Variants in GALNT2 observed in about 807,000 individuals in gnomAD.
GALNT2 encodes polypeptide N-acetylgalactosaminyltransferase 2, also known as UDP-GalNAc:polypeptide N-acetylgalactosaminyltransferase 2.
GALNT2 carries 31 observed loss-of-function variants against 81.4 expected under a neutral mutation model. The observed-to-expected ratio is 0.38, with a 90% CI of 0.29 to 0.51. The LOEUF (loss-of-function observed/expected upper bound fraction) is 0.51, where lower values mean the gene tolerates loss of function less well. Among genes scored for constraint, GALNT2 ranks in the 20% least tolerant of loss-of-function variants. The pLI is 0.87. For synonymous variants in GALNT2, 303 were observed against 287.4 expected, an observed-to-expected ratio of 1.05 and a Z score of -0.55; for missense variants, 629 against 765.7, an observed-to-expected ratio of 0.82 and a Z score of 2.11.
At chr1:230,112,070 G>T (rs1660720102) in intron 1 of GALNT2, among the ~76,000 whole-genome samples, 1 of 152,168 alleles carries the variant, frequency 6.6e-6, no homozygotes, top group Admixed American at 6.5e-5. Context: ...AGGCTGGCTG[G>T]CCTCAGAAGG....
chr1:230,215,167 C>T (rs1371208393), intron 3 of GALNT2, among the ~76,000 whole-genome samples: 4 of 152,208 alleles, frequency 2.6e-5, no homozygotes, highest in South Asian at 2.1e-4. Flanking sequence ...CTGTGGGATT[C>T]GACCTGGAAG....
At chr1:230,174,582 C>T (rs1450901287) in intron 1 of GALNT2, among the ~76,000 whole-genome samples, 3 of 152,084 alleles carry the variant, frequency 2.0e-5, no homozygotes, top group African/African-American at 4.8e-5. Context: ...AAACCTGGGG[C>T]CGTCTTTGAT....
chr1:230,220,842 T>G (rs1664524894), intron 3 of GALNT2, among the ~76,000 whole-genome samples: 1 of 152,174 alleles, frequency 6.6e-6, no homozygotes, highest in African/African-American at 2.4e-5. Context: ...CTTGGCCAAA[T>G]ATTAGCTAAA....
chr1:230,145,972 C>A lies in GALNT2; in HGVS notation c.127-32246C>A, dbSNP rs537395812. Among the ~76,000 whole-genome samples the A allele has an allele frequency of 1.4e-4, 22 of 152,330 alleles. No individual in the cohort carries two copies. In the South Asian group the frequency reaches 4.4e-3, roughly 30 times the overall value. On this transcript the variant is annotated intron_variant, in intron 1 of 15. Transcript: ENST00000366672. ...GAGAAGACGTTGGTCCACTCCTTGT[C>A]CAGGCTGCTTTGGGCTGTAGTGGAC...
intron 1 of GALNT2, among the ~76,000 whole-genome samples, chr1:230,082,432 A>G (rs940019721): frequency 6.6e-6 from 1 of 152,250 alleles, no homozygotes; most frequent in African/African-American, 2.4e-5. Context: ...TTGCCTTTGC[A>G]GTTCCACAGC....
chr1:230,175,628 T>TCCTCCTCCTCCCCCTCCCTCTCCCCG (rs1176353495), intron 1 of GALNT2, among the ~76,000 whole-genome samples: 1 of 82,828 alleles, frequency 1.2e-5, no homozygotes. Context: ...CCCTCTCCCC[T>TCCTCCTCCTCCCCCTCCCTCTCCCCG]CCTCCTCCTT....
At chr1:230,213,469 G>T (rs1197659178) in intron 3 of GALNT2, among the ~76,000 whole-genome samples, 1 of 152,052 alleles carries the variant, frequency 6.6e-6, no homozygotes, top group Admixed American at 6.5e-5. Context: ...TCATGTTTTT[G>T]CATGGTATAC....
Position 230,255,332 on chromosome 1 carries a change from C to T in GALNT2, c.1124C>T (p.Thr375Ile), listed in dbSNP as rs1209786297. The change falls in exon 11 of 16, where the codon ACT becomes ATT. Residue 375 changes from threonine to isoleucine, a missense_variant. Around this residue, in one of 3 missense-constraint regions of GALNT2, gnomAD observed 360 missense variants for 492.8 expected, o/e 0.73. Transcript: ENST00000366672. ...HPYTFPGGSG[T>I]VFARNTRRAA... ...TACACGTTCCCGGGTGGCAGTGGCACTGTCTTTGCCCGGTAAGTAGTGAAA... is the reference window on the plus strand; with the variant it reads ...TACACGTTCCCGGGTGGCAGTGGCATTGTCTTTGCCCGGTAAGTAGTGAAA... The T allele has an allele frequency of 1.2e-6, 2 of 1,614,132 alleles. No individual in the cohort carries two copies. The highest frequency in any genetic ancestry group is 1.7e-6 in the Non-Finnish European group (2 of 1,180,056).
intron 1 of GALNT2, among the ~76,000 whole-genome samples, chr1:230,104,543 C>G (rs1363632243): frequency 6.6e-6 from 1 of 152,136 alleles, no homozygotes; most frequent in Non-Finnish European, 1.5e-5. Context: ...GGGGGAAATG[C>G]GGGAGGAGGG....
At chr1:230,118,777 C>A (rs1322822141) in intron 1 of GALNT2, among the ~76,000 whole-genome samples, 1 of 152,070 alleles carries the variant, frequency 6.6e-6, no homozygotes, top group South Asian at 2.1e-4. Context: ...TCAGATGGCA[C>A]CTCCTCTGTG....
chr1:230,149,438 C>A lies in GALNT2; in HGVS notation c.127-28780C>A, dbSNP rs77518635. On this transcript the variant is annotated intron_variant, in intron 1 of 15. Coordinates refer to ENST00000366672, the MANE Select transcript of GALNT2 (RefSeq NM_004481.5). Reference sequence around the variant, plus strand: ...CCAATAGCTTGGTGGTTTGAGCATCCTATTATTGCAGTGATTCTTAGGTCT... The same window carrying A: ...CCAATAGCTTGGTGGTTTGAGCATCATATTATTGCAGTGATTCTTAGGTCT... Among the ~76,000 whole-genome samples the A allele has an allele frequency of 1.1e-3, 161 of 152,150 alleles. 3 individuals are homozygous for A. In the East Asian group the frequency reaches 0.028, roughly 27 times the overall value.
intron 11 of GALNT2, 137 bp downstream of exon 11, chr1:230,255,481 T>C (rs1266212937): frequency 8.5e-7 from 1 of 1,177,352 alleles, no homozygotes; most frequent in African/African-American, 1.5e-5. Context: ...ACTTAGCAAT[T>C]GAAAGGCGCA....
chr1:230,068,994 C>A (rs773780482), intron 1 of GALNT2, among the ~76,000 whole-genome samples: 2 of 152,208 alleles, frequency 1.3e-5, no homozygotes, highest in Non-Finnish European at 2.9e-5. Flanking sequence ...TGTGCCTTGG[C>A]CACTCTGCAT....
intron 11 of GALNT2, 153 bp from the exon 12 acceptor site, chr1:230,262,419 GA>G (rs1468159077): frequency 3.1e-6 from 2 of 635,348 alleles, no homozygotes; most frequent in Admixed American, 5.6e-5. Flanking sequence ...TGCTGGTGGG[GA>G]CAGCCCACCC....
chr1:230,104,491 G>A (rs945718905), intron 1 of GALNT2, among the ~76,000 whole-genome samples: 11 of 152,192 alleles, frequency 7.2e-5, no homozygotes, highest in African/African-American at 2.7e-4. Flanking sequence ...GCCGTGCCTT[G>A]TTGGATGCAC....
At chr1:230,274,071 T>C (rs1558173221) in intron 14 of GALNT2, among the ~76,000 whole-genome samples, 1 of 152,262 alleles carries the variant, frequency 6.6e-6, no homozygotes, top group Non-Finnish European at 1.5e-5. Flanking sequence ...GCCAACTGTC[T>C]ACCTGGTGTA....
chr1:230,175,773 C>G (rs1479173191), intron 1 of GALNT2, among the ~76,000 whole-genome samples: 3 of 151,406 alleles, frequency 2.0e-5, no homozygotes, highest in Non-Finnish European at 2.9e-5. Flanking sequence ...GAGTCCAGAA[C>G]AAAACAGTCC....
At chr1:230,059,136 T>C (rs1490928016) in intron 1 of GALNT2, among the ~76,000 whole-genome samples, 2 of 152,268 alleles carry the variant, frequency 1.3e-5, no homozygotes, top group African/African-American at 2.4e-5. Flanking sequence ...AATCAGATTA[T>C]AAGAAAGGTT....
intron 3 of GALNT2, among the ~76,000 whole-genome samples, chr1:230,230,734 G>A (rs1351799943): frequency 6.6e-6 from 1 of 152,188 alleles, no homozygotes; most frequent in Non-Finnish European, 1.5e-5. Flanking sequence ...CTGTCTTTGT[G>A]TAGGCATAAA....
Sources: gnomAD v4.1 joint callset for allele counts (sites outside exome capture counted in the v4.1 genomes callset) on GRCh38, gnomAD v4.1.1 for gene constraint, gnomAD v4.1.1 regional missense constraint, MANE v1.5 for transcripts, NCBI Gene and HGNC (gene_info 2026-07-23, HGNC 2026-07-21) for gene names.